Variants in MED13 observed in about 807,000 individuals in gnomAD.
MED13 encodes mediator complex subunit 13.
In MED13, 23 loss-of-function variants were observed where a neutral mutation model predicts 225.2. The ratio of observed to expected loss-of-function variants is 0.10; its 90% CI spans 0.07 to 0.14. The LOEUF is 0.14. Among genes scored for constraint, MED13 ranks in the 10% least tolerant of loss-of-function variants. The pLI is 1.00. For synonymous variants in MED13, 942 were observed against 889.2 expected (o/e 1.06, Z -1.06); for missense variants, 2,197 against 2,594.5 (o/e 0.85, Z 3.33).
At chr17:61,963,261 TAGGGTA>T (rs72233612) in intron 20 of MED13, among the ~76,000 whole-genome samples, 51,977 of 108,484 alleles carry the variant, frequency 0.48, 11,960 homozygotes, top group East Asian at 0.76. Context: ...CTTAAAACCA[TAGGGTA>T]AGGGTATTAG....
At chr17:62,021,184 G>A (rs1453506063) in intron 8 of MED13, among the ~76,000 whole-genome samples, 15 of 149,954 alleles carry the variant, frequency 1.0e-4, no homozygotes, top group East Asian at 3.9e-4. Flanking sequence ...ATCATGGCCC[G>A]TTCTCAATGA....
chr17:62,010,047 C>A (rs937705161), intron 9 of MED13, among the ~76,000 whole-genome samples: 12 of 152,088 alleles, frequency 7.9e-5, no homozygotes, highest in African/African-American at 2.6e-4. Flanking sequence ...CATGGTGAAA[C>A]CCCATCTCTA....
chr17:62,060,824 T>A (rs867881395), intron 2 of MED13, among the ~76,000 whole-genome samples: 4 of 151,810 alleles, frequency 2.6e-5, no homozygotes, highest in East Asian at 3.9e-4. Context: ...CTCAGCCTAC[T>A]GAGTAGCTGG....
At chr17:62,000,305 C>T (rs2080383294) in intron 9 of MED13, among the ~76,000 whole-genome samples, 1 of 152,170 alleles carries the variant, frequency 6.6e-6, no homozygotes, top group Non-Finnish European at 1.5e-5. Flanking sequence ...TTCTCTGTTT[C>T]TACTGATGCA....
chr17:62,050,259 G>A (rs932616180), intron 3 of MED13, among the ~76,000 whole-genome samples: 2 of 151,972 alleles, frequency 1.3e-5, no homozygotes, highest in Admixed American at 6.6e-5. Flanking sequence ...TCAGGAGGCT[G>A]AGGCAGGAGA....
intron 18 of MED13, among the ~76,000 whole-genome samples, chr17:61,967,634 T>C (rs1273906576): frequency 6.6e-6 from 1 of 152,194 alleles, no homozygotes; most frequent in Non-Finnish European, 1.5e-5. Flanking sequence ...CTTAGTGATA[T>C]CTAGCATAGA....
At chr17:61,996,621 T>G (rs2080349200) in intron 9 of MED13, among the ~76,000 whole-genome samples, 1 of 152,172 alleles carries the variant, frequency 6.6e-6, no homozygotes, top group Non-Finnish European at 1.5e-5. Context: ...CATGGCCAAC[T>G]CGCTCACTTC....
At chr17:61,995,990 T>C (rs2080343686) in intron 9 of MED13, among the ~76,000 whole-genome samples, 1 of 152,218 alleles carries the variant, frequency 6.6e-6, no homozygotes, top group Admixed American at 6.5e-5. Flanking sequence ...AAGTTATTAG[T>C]CTTCTGGTTC....
At chr17:62,025,924 C>T (rs1043980121) in intron 8 of MED13, among the ~76,000 whole-genome samples, 1 of 152,160 alleles carries the variant, frequency 6.6e-6, no homozygotes, top group African/African-American at 2.4e-5. Context: ...AAAGAGCCTC[C>T]ATAAGAATAT....
At chr17:62,041,865 G>A (rs2080855736) in intron 3 of MED13, among the ~76,000 whole-genome samples, 2 of 152,210 alleles carry the variant, frequency 1.3e-5, no homozygotes, top group Admixed American at 6.5e-5. Context: ...TTACAAGCAT[G>A]AGCCACTGTG....
chr17:62,019,925 T>C (rs574896287), intron 8 of MED13, among the ~76,000 whole-genome samples: 4 of 152,038 alleles, frequency 2.6e-5, no homozygotes, highest in South Asian at 2.1e-4. Context: ...TTTGTATTTT[T>C]AGTAGAAACA....
intron 17 of MED13, among the ~76,000 whole-genome samples, chr17:61,971,831 G>A (rs1036069540): frequency 1.7e-4 from 26 of 152,034 alleles, no homozygotes; most frequent in Non-Finnish European, 3.4e-4. Context: ...CTGTTCGGGA[G>A]GCTAAGCCAG....
At chr17:61,971,108 G>A (rs2080104254) in intron 17 of MED13, among the ~76,000 whole-genome samples, 1 of 151,866 alleles carries the variant, frequency 6.6e-6, no homozygotes, top group Admixed American at 6.6e-5. Flanking sequence ...TAATGATAAT[G>A]GTGGTAACAA....
chr17:61,953,148 A>AT, intron 26 of MED13, 35 bp from the exon 27 acceptor site: 2 of 1,591,688 alleles, frequency 1.3e-6, no homozygotes, highest in Middle Eastern at 1.7e-4. Context: ...TTAAAACTCC[A>AT]TTTTCCATAT....
At chr17:61,986,804 C>T (rs1207618030) in intron 12 of MED13, among the ~76,000 whole-genome samples, 1 of 152,004 alleles carries the variant, frequency 6.6e-6, no homozygotes, top group Non-Finnish European at 1.5e-5. Flanking sequence ...AGAAACAAAA[C>T]CCTCAAAGTT....
chr17:62,008,272 C>T (rs927339860), intron 9 of MED13, among the ~76,000 whole-genome samples: 2 of 133,278 alleles, frequency 1.5e-5, no homozygotes, highest in Admixed American at 8.1e-5. Flanking sequence ...GAGCAGGGAT[C>T]GCGCAACTGT....
chr17:61,975,388 T>C (rs531588518), intron 16 of MED13, among the ~76,000 whole-genome samples: 1 of 152,288 alleles, frequency 6.6e-6, no homozygotes, highest in East Asian at 1.9e-4. Context: ...GAAATGCAGA[T>C]GAAACCACAA....
At chr17:61,959,726 C>CTTTTT (rs11288442) in intron 23 of MED13, among the ~76,000 whole-genome samples, 3 of 119,690 alleles carry the variant, frequency 2.5e-5, no homozygotes, top group African/African-American at 3.3e-5. Context: ...GAACCCAAAT[C>CTTTTT]TTTTTTTTTT....
Position 62,010,887 on chromosome 17 carries a change from C to T in MED13, c.1630G>A (p.Val544Ile). The change falls in exon 9 of 30, where the codon GTT (valine) becomes ATT (isoleucine). Residue 544 changes from valine (V) to isoleucine (I), a missense_variant. Physicochemically the swap from Val to Ile is conservative, Grantham distance 29. Coordinates refer to ENST00000397786, the MANE Select transcript of MED13 (RefSeq NM_005121.3). ...GGTGTTTTAGTCACTCCTTCATCAA[C>T]CACATCACAAGGGTGAGGACTAAGT... ...PPLSPHPCDVVDEGVTKTPST... is the reference protein window; with the variant it reads ...PPLSPHPCDVIDEGVTKTPST... 1 of 1,614,142 alleles carries T rather than the reference C, an allele frequency of 6.2e-7. No individual in the cohort carries two copies. The highest frequency in any genetic ancestry group is 8.5e-7 in the Non-Finnish European group (1 of 1,180,000).
Sources: allele counts gnomAD v4.1 joint callset (sites outside exome capture counted in the v4.1 genomes callset), GRCh38; gene constraint gnomAD v4.1.1; transcripts MANE v1.5; gene names NCBI Gene and HGNC (gene_info 2026-07-23, HGNC 2026-07-21).